PRR36: variants seen among roughly 807,000 people sequenced by gnomAD.
PRR36 encodes the protein proline rich 36, also known as proline-rich protein 36.
In PRR36, 30 loss-of-function variants were observed where a neutral mutation model predicts 58.6. That is an observed-to-expected ratio of 0.51 (90% CI 0.38 to 0.69). The LOEUF is 0.69. Among genes scored for constraint, PRR36 ranks in the 30% least tolerant of loss-of-function variants. The pLI, the probability that PRR36 is intolerant of heterozygous loss-of-function variation, is 0.00. For synonymous variants in PRR36, 771 were observed against 829.3 expected (o/e 0.93, Z 1.21); for missense variants, 1,692 against 1,805.6 (o/e 0.94, Z 1.14).
In PRR36 at chr19:7,874,071, C is replaced by G. The variant is rs1415380048; in HGVS notation, c.-8+215G>C. Among the ~76,000 whole-genome samples, 1 of 152,202 alleles carries G rather than the reference C, an allele frequency of 6.6e-6. No homozygotes were observed. The highest frequency in any genetic ancestry group is 2.4e-5 in the African/African-American group (1 of 41,460). ...TGCCACGGGCTCAGGATGTCGCATCCCTCCAGACCCGGAGCGCACGCCCGG... is the reference window on the plus strand; with the variant it reads ...TGCCACGGGCTCAGGATGTCGCATCGCTCCAGACCCGGAGCGCACGCCCGG... On this transcript the variant is annotated intron_variant, in intron 1 of 5. Transcript: ENST00000618550. This position sits in a 1 kb window ranked among gnomAD's most constrained non-coding sequence, Gnocchi z 6.0.
chr19:7,872,756 T>G lies in PRR36; in HGVS notation c.488A>C (p.Asp163Ala), dbSNP rs1980526453. 6.8e-7 allele frequency: 1 copy of G among 1,471,090 alleles called. No homozygotes were observed. Among genetic ancestry groups the G allele is most frequent in the Non-Finnish European group, 9.0e-7 (1 of 1,114,942 alleles). 91.1% of individuals were successfully genotyped at this position (1,471,090 alleles called of 1,614,324 possible). A position where few individuals can be genotyped will look rare whatever the true frequency, so the allele number is the denominator to read the frequency against. Residue 163 changes from aspartate (D) to alanine (A), a missense_variant and splice_region_variant, in exon 5 of 6, where the codon GAC (aspartate) becomes GCC (alanine). Asp to Ala is a moderately radical substitution (Grantham distance 126). Transcript: ENST00000618550. The surrounding 1 kb of genome is among the most constrained non-coding windows in gnomAD (Gnocchi z 6.1). ...GGTTCCTGGGGTAGGCCCGGAAGTG[T>G]CTGGAGAAAAAGTAGAAGGCCAAGG... is the stretch of plus-strand genomic sequence containing the variant. Reference protein sequence around the residue: ...RSALSAGARRDTSGPTPGTPS... With the variant: ...RSALSAGARRATSGPTPGTPS...
chr19:7,872,221 C>T lies in PRR36; in HGVS notation c.1023G>A (p.Pro341=). 6.9e-7 allele frequency: 1 copy of T among 1,451,410 alleles called. No individual in the cohort carries two copies. The highest frequency in any genetic ancestry group is 9.0e-7 in the Non-Finnish European group (1 of 1,107,096). The allele number at this position is 1,451,410 out of a possible 1,614,324, so 89.9% of individuals were successfully genotyped here. ...GGGCCTGACTTTGGAGAGCGGCTGG[C>T]GGAGGGGGCGTTACCGGTGGAGAGG... is the stretch of plus-strand genomic sequence containing the variant. ...LPPSPPVTPP[P]PAALQSQAPP... The change falls in exon 5 of 6, where the codon CCG becomes CCA. Residue 341 remains proline (P), a synonymous_variant. Transcript: ENST00000618550. This position sits in a 1 kb window ranked among gnomAD's most constrained non-coding sequence, Gnocchi z 6.1.
chr19:7,872,490 G>T lies in PRR36; in HGVS notation c.754C>A (p.Pro252Thr), dbSNP rs1252754243. The T allele has an allele frequency of 4.0e-6, 6 of 1,487,486 alleles. No individual in the cohort carries two copies. Among genetic ancestry groups the T allele is most frequent in the South Asian group, 2.6e-5 (2 of 75,750 alleles). 92.1% of individuals were successfully genotyped at this position (1,487,486 alleles called of 1,614,324 possible). A position where few individuals can be genotyped will look rare whatever the true frequency, so the allele number is the denominator to read the frequency against. ...LSSSATPLSS[P>T]ARSGPSARGT... ...CGGGCTGAGGGCCCAGAACGGGCTGGGGAGGAGAGAGGGGTGGCGCTGGAG... is the reference window on the plus strand; with the variant it reads ...CGGGCTGAGGGCCCAGAACGGGCTGTGGAGGAGAGAGGGGTGGCGCTGGAG... The change falls in exon 5 of 6, where the codon CCA becomes ACA. Residue 252 changes from proline to threonine, a missense_variant. Physicochemically the swap from Pro to Thr is conservative, Grantham distance 38. Around this residue, in one of 5 missense-constraint regions of PRR36, gnomAD observed 975 missense variants for 955.2 expected, o/e 1.02. Coordinates refer to ENST00000618550, the MANE Select transcript of PRR36 (RefSeq NM_001190467.2). This position sits in a 1 kb window ranked among gnomAD's most constrained non-coding sequence, Gnocchi z 6.1.
In PRR36 at chr19:7,870,678, G is replaced by C; in HGVS notation, c.2566C>G (p.Pro856Ala). Reference protein sequence around the residue: ...ALALPPLQAPPSPPASPPLSP... With the variant: ...ALALPPLQAPASPPASPPLSP... ...AGAGGGGGTGAGGCAGGGGGAGAGG[G>C]AGGGGCCTGCAGAGGAGGCAAGGCC... The change falls in exon 5 of 6, where the codon CCC becomes GCC. Residue 856 changes from proline (P) to alanine (A), a missense_variant. Around this residue, in one of 5 missense-constraint regions of PRR36, gnomAD observed 171 missense variants for 146.2 expected, o/e 1.17. Coordinates refer to ENST00000618550, the MANE Select transcript of PRR36 (RefSeq NM_001190467.2). 2 of 1,352,034 alleles carry C rather than the reference G, an allele frequency of 1.5e-6. No individual in the cohort carries two copies. The highest frequency in any genetic ancestry group is 1.9e-6 in the Non-Finnish European group (2 of 1,051,614). 83.8% of individuals were successfully genotyped at this position (1,352,034 alleles called of 1,614,324 possible).
Position 7,871,642 on chromosome 19 carries a change from A to G in PRR36, c.1602T>C (p.Ser534=). 1 of 1,535,790 alleles carries G rather than the reference A, an allele frequency of 6.5e-7. No homozygotes were observed. ...GAGAGACTGTGGTCAAAGGAGAGGG[A>G]GAGGCCTGCAGAGGCAATGTGGCCA... is the stretch of plus-strand genomic sequence containing the variant. ...PLLATLPLQA[S]PSPLTTVSLQ... Residue 534 remains serine (S), a synonymous_variant, in exon 5 of 6, where the codon TCT becomes TCC. Coordinates refer to ENST00000618550, the MANE Select transcript of PRR36 (RefSeq NM_001190467.2).
Position 7,870,675 on chromosome 19 carries a change from AG to A in PRR36, c.2568del (p.Ser857LeufsTer65). The stretch of plus-strand genomic sequence containing the variant: ...GACAGAGGGGGTGAGGCAGGGGGAG[AG>A]GGAGGGGCCTGCAGAGGAGGCAAGG... ...ALALPPLQAP[P>X]SPPASPPLSP... On this transcript the variant is annotated frameshift_variant, in exon 5 of 6. Transcript: ENST00000618550. LOFTEE classifies it high-confidence loss of function. The A allele has an allele frequency of 1.0e-6, 1 of 966,448 alleles. No homozygotes were observed. The highest frequency in any genetic ancestry group is 1.2e-6 in the Non-Finnish European group (1 of 804,980). The allele number at this position is 966,448 out of a possible 1,614,324, so 59.9% of individuals were successfully genotyped here.
In PRR36 at chr19:7,873,019, T is replaced by C. The variant is rs1352545716; in HGVS notation, c.375-58A>G. On this transcript the variant is annotated intron_variant, in intron 3 of 5. Coordinates refer to ENST00000618550, the MANE Select transcript of PRR36 (RefSeq NM_001190467.2). This position sits in a 1 kb window ranked among gnomAD's most constrained non-coding sequence, Gnocchi z 5.0. Reference sequence around the variant, plus strand: ...GTCTTTGTTTGGCTTCCCAAGTCTCTATTTTCCCATCTGTGAAATGGGCAT... The same window carrying C: ...GTCTTTGTTTGGCTTCCCAAGTCTCCATTTTCCCATCTGTGAAATGGGCAT... 1 of 1,446,346 alleles carries C rather than the reference T, an allele frequency of 6.9e-7. No individual in the cohort carries two copies. Among genetic ancestry groups the C allele is most frequent in the Admixed American group, 2.1e-5 (1 of 48,628 alleles). The allele number at this position is 1,446,346 out of a possible 1,614,324, so 89.6% of individuals were successfully genotyped here.
rs762629865 is a variant in PRR36 at position 7,869,076 on chromosome 19, G to A, written c.3998C>T (p.Pro1333Leu). The A allele has an allele frequency of 3.1e-4, 469 of 1,534,242 alleles. No homozygotes were observed. Among genetic ancestry groups the A allele is most frequent in the Non-Finnish European group, 3.5e-4 (406 of 1,146,224 alleles). The stretch of plus-strand genomic sequence containing the variant: ...CTCCACCACGGTCCAGTCACCCTGC[G>A]GGGAGGCCACGTCGTCCGGAGAGAA... ...TSFSPDDVAS[P>L]QGDWTVVEVE... is the part of the protein sequence containing the mutation. Residue 1333 changes from proline (P) to leucine (L), a missense_variant, in exon 6 of 6, where the codon CCG becomes CTG. By Grantham distance (98) the Pro-to-Leu change is moderately conservative (BLOSUM62 -3). This residue lies in a region of PRR36 where 485 missense variants were observed against 549.2 expected (regional missense o/e 0.88). Coordinates refer to ENST00000618550, the MANE Select transcript of PRR36 (RefSeq NM_001190467.2).
At position 7,873,518 on chromosome 19, in the gene PRR36, G is replaced by A. The variant is rs757050875; in HGVS notation, c.172C>T (p.Leu58=). The change falls in exon 2 of 6, where the codon CTG becomes TTG. Residue 58 remains leucine (L), a synonymous_variant. Transcript: ENST00000618550. The surrounding 1 kb of genome is among the most constrained non-coding windows in gnomAD (Gnocchi z 5.0). ...CCGATGCCCCCCGCTCGCTCTGCCA[G>A]AGGCTTTCGCCCCACTGCTCCCGCA... ...GAAGAVGRKP[L]AERAGGIGGA... is the part of the protein sequence containing the mutation. 6.5e-7 allele frequency: 1 copy of A among 1,535,486 alleles called. No individual in the cohort carries two copies. The highest frequency in any genetic ancestry group is 1.2e-5 in the South Asian group (1 of 84,050).
At position 7,869,703 on chromosome 19, in the gene PRR36, G is replaced by C. The variant is rs1293977630; in HGVS notation, c.3529+12C>G. ...CCGCCCACAGCCAGGCCGGGTCTGG[G>C]GTGCCCCTTACCTGGGGCTCCGCGG... On this transcript the variant is annotated intron_variant, in intron 5 of 5. Coordinates refer to ENST00000618550, the MANE Select transcript of PRR36 (RefSeq NM_001190467.2). 2 of 1,355,276 alleles carry C rather than the reference G, an allele frequency of 1.5e-6. No homozygotes were observed. The highest frequency in any genetic ancestry group is 1.9e-6 in the Non-Finnish European group (2 of 1,058,234). The allele number at this position is 1,355,276 out of a possible 1,614,324, so 84.0% of individuals were successfully genotyped here. A position where few individuals can be genotyped will look rare whatever the true frequency, so the allele number is the denominator to read the frequency against.
Position 7,872,382 on chromosome 19 carries a change from G to T in PRR36, c.862C>A (p.Pro288Thr). Residue 288 changes from proline (P) to threonine (T), a missense_variant, in exon 5 of 6, where the codon CCA (proline) becomes ACA (threonine). By Grantham distance (38) the Pro-to-Thr change is conservative. Coordinates refer to ENST00000618550, the MANE Select transcript of PRR36 (RefSeq NM_001190467.2). This position sits in a 1 kb window ranked among gnomAD's most constrained non-coding sequence, Gnocchi z 6.1. ...QALRPPQVTPPRKDAAPALGP... is the reference protein window; with the variant it reads ...QALRPPQVTPTRKDAAPALGP... ...AGTGCTGGGGCTGCGTCCTTCCTTG[G>T]GGGTGTGACCTGAGGGGGTCGCAGA... 1 of 1,450,324 alleles carries T rather than the reference G, an allele frequency of 6.9e-7. No individual in the cohort carries two copies. The highest frequency in any genetic ancestry group is 9.0e-7 in the Non-Finnish European group (1 of 1,107,596). 89.8% of individuals were successfully genotyped at this position (1,450,324 alleles called of 1,614,324 possible).
Position 7,873,406 on chromosome 19 carries a change from G to T in PRR36, c.271+13C>A, listed in dbSNP as rs1182409510. The T allele has an allele frequency of 6.6e-7, 1 of 1,523,292 alleles. No individual in the cohort carries two copies. The highest frequency in any genetic ancestry group is 2.0e-5 in the Admixed American group (1 of 50,294). The allele number at this position is 1,523,292 out of a possible 1,614,324, so 94.4% of individuals were successfully genotyped here. On this transcript the variant is annotated intron_variant, in intron 2 of 5. Transcript: ENST00000618550. The surrounding 1 kb of genome is among the most constrained non-coding windows in gnomAD (Gnocchi z 5.0). The stretch of plus-strand genomic sequence containing the variant: ...GAAGATGGGGGCGGAGCTGAGGAAG[G>T]AGGCTGGGGTACCAGGGTTTCGGGA...
At position 7,871,256 on chromosome 19, in the gene PRR36, G is replaced by A; in HGVS notation, c.1988C>T (p.Pro663Leu). 1 of 1,534,326 alleles carries A rather than the reference G, an allele frequency of 6.5e-7. No homozygotes were observed. The highest frequency in any genetic ancestry group is 8.7e-7 in the Non-Finnish European group (1 of 1,146,308). Residue 663 changes from proline (P) to leucine (L), a missense_variant, in exon 5 of 6, where the codon CCT (proline) becomes CTT (leucine). Physicochemically the swap from Pro to Leu is moderately conservative, Grantham distance 98. Around this residue, in one of 5 missense-constraint regions of PRR36, gnomAD observed 975 missense variants for 955.2 expected, o/e 1.02. Transcript: ENST00000618550. The stretch of plus-strand genomic sequence containing the variant: ...AGAAGTCTGCAGAGGGGGTGAGGCA[G>A]GAAGGGAAAGAGGGGCCTGCAGAGG... Reference protein sequence around the residue: ...SPPLQAPLSLPASPPLQTSLS... With the variant: ...SPPLQAPLSLLASPPLQTSLS...
rs993889925 is a variant in PRR36 at position 7,869,219 on chromosome 19, C to G, written c.3855G>C (p.Glu1285Asp). The G allele has an allele frequency of 1.2e-5, 19 of 1,524,000 alleles. No individual in the cohort carries two copies. In the Admixed American group the frequency reaches 2.6e-4, roughly 21 times the overall value. 94.4% of individuals were successfully genotyped at this position (1,524,000 alleles called of 1,614,324 possible). A position where few individuals can be genotyped will look rare whatever the true frequency, so the allele number is the denominator to read the frequency against. ...GGSGGGPGGA[E>D]GGGVTGGARA... ...GGGCGCCCCCTGTGACGCCACCACC[C>G]TCCGCACCTCCTGGGCCCCCGCCGC... The change falls in exon 6 of 6, where the codon GAG (glutamate) becomes GAC (aspartate). Residue 1285 changes from glutamate to aspartate, a missense_variant. By Grantham distance (45) the Glu-to-Asp change is conservative. This residue lies in a region of PRR36 where 485 missense variants were observed against 549.2 expected (regional missense o/e 0.88). Transcript: ENST00000618550.
Position 7,870,596 on chromosome 19 carries a change from A to G in PRR36, c.2648T>C (p.Leu883Pro). 4 of 1,164,020 alleles carry G rather than the reference A, an allele frequency of 3.4e-6. No homozygotes were observed. Among genetic ancestry groups the G allele is most frequent in the Non-Finnish European group, 4.2e-6 (4 of 944,826 alleles). 72.1% of individuals were successfully genotyped at this position (1,164,020 alleles called of 1,614,324 possible). ...QAPNALAVHL[L>P]QAPFSPPPSP... is the part of the protein sequence containing the mutation. ...GGGAGGGGGAGAGAAAGGGGCCTGC[A>G]GAAGGTGCACTGCCAGAGCATTTGG... The change falls in exon 5 of 6, where the codon CTG (leucine) becomes CCG (proline). Residue 883 changes from leucine (L) to proline (P), a missense_variant. This residue lies in a region of PRR36 where 171 missense variants were observed against 146.2 expected (regional missense o/e 1.17). Coordinates refer to ENST00000618550, the MANE Select transcript of PRR36 (RefSeq NM_001190467.2).
rs1439966497 is a variant in PRR36 at position 7,871,306 on chromosome 19, C to T, written c.1938G>A (p.Pro646=). 6.5e-6 allele frequency: 10 copies of T among 1,528,000 alleles called. No homozygotes were observed. In the South Asian group the frequency reaches 1.1e-4, roughly 16 times the overall value. 94.7% of individuals were successfully genotyped at this position (1,528,000 alleles called of 1,614,324 possible). A position where few individuals can be genotyped will look rare whatever the true frequency, so the allele number is the denominator to read the frequency against. Residue 646 remains proline, a synonymous_variant, in exon 5 of 6, where the codon CCG becomes CCA. Transcript: ENST00000618550. ...GGGGTGAATCAGGGGGAGTAGAGGC[C>T]GGCCGAGAAGGTGAGATCAAAGAAG... The part of the protein sequence containing the change: ...TQASLISPSR[P]ASTPPDSPPL...
At position 7,873,186 on chromosome 19, in the gene PRR36, G is replaced by T. The variant is rs747025374; in HGVS notation, c.374+11C>A. The T allele has an allele frequency of 4.5e-5, 69 of 1,534,852 alleles. 1 individual carries two copies. The highest frequency in any genetic ancestry group is 9.8e-5 in the Admixed American group (5 of 50,978). On this transcript the variant is annotated intron_variant, in intron 3 of 5. Coordinates refer to ENST00000618550, the MANE Select transcript of PRR36 (RefSeq NM_001190467.2). The surrounding 1 kb of genome is among the most constrained non-coding windows in gnomAD (Gnocchi z 5.0). ...CTGGCTTAGGAGACTGGGGGAGAGGGAGCAGGTTACCTGGTGGTCCCGCTG... is the reference window on the plus strand; with the variant it reads ...CTGGCTTAGGAGACTGGGGGAGAGGTAGCAGGTTACCTGGTGGTCCCGCTG...
rs1980230173 is a variant in PRR36 at position 7,868,901 on chromosome 19, T to C, written c.*132A>G. 3.6e-6 allele frequency: 4 copies of C among 1,106,028 alleles called. No homozygotes were observed. The highest frequency in any genetic ancestry group is 4.9e-6 in the Non-Finnish European group (4 of 812,380). 68.5% of individuals were successfully genotyped at this position (1,106,028 alleles called of 1,614,324 possible). A position where few individuals can be genotyped will look rare whatever the true frequency, so the allele number is the denominator to read the frequency against. On this transcript the variant is annotated 3_prime_UTR_variant, in exon 6 of 6. Coordinates refer to ENST00000618550, the MANE Select transcript of PRR36 (RefSeq NM_001190467.2). ...AGCCTCCGAGGCCAAAGGCTCAGGC[T>C]CTAGGGAGCTAAGACTAATCCACCC...
chr19:7,870,573 G>T lies in PRR36; in HGVS notation c.2671C>A (p.Pro891Thr). Residue 891 changes from proline to threonine, a missense_variant, in exon 5 of 6, where the codon CCC becomes ACC. By Grantham distance (38) the Pro-to-Thr change is conservative (BLOSUM62 -1). Coordinates refer to ENST00000618550, the MANE Select transcript of PRR36 (RefSeq NM_001190467.2). ...AAAGGGGCCTGCACTGGGGGTGAGG[G>T]AGGGGGAGAGAAAGGGGCCTGCAGA... The part of the protein sequence containing the change: ...HLLQAPFSPP[P>T]SPPVQAPFSP... 1.2e-6 allele frequency: 1 copy of T among 854,518 alleles called. No homozygotes were observed. 52.9% of individuals were successfully genotyped at this position (854,518 alleles called of 1,614,324 possible). A position where few individuals can be genotyped will look rare whatever the true frequency, so the allele number is the denominator to read the frequency against.
Sources: gnomAD v4.1 joint callset for allele counts (sites outside exome capture counted in the v4.1 genomes callset) on GRCh38, gnomAD v4.1.1 for gene constraint, gnomAD v4.1.1 regional missense constraint, Gnocchi (gnomAD v3.1) non-coding constraint, MANE v1.5 for transcripts, NCBI Gene and HGNC (gene_info 2026-07-23, HGNC 2026-07-21) for gene names.